Variants in LPP observed in about 807,000 individuals in gnomAD.
The protein encoded by LPP is LIM domain containing preferred translocation partner in lipoma.
A neutral mutation model predicts 60.4 loss-of-function variants in LPP; 38 were observed. The ratio of observed to expected loss-of-function variants is 0.63; its 90% CI spans 0.49 to 0.83. The LOEUF (loss-of-function observed/expected upper bound fraction) is 0.83. LPP is among the 40% of genes least tolerant of loss of function. The probability of loss-of-function intolerance (pLI) is 0.00; values close to 1 mark genes in which losing one functional copy is unlikely to be tolerated. For synonymous variants in LPP, 328 were observed against 290.8 expected, an observed-to-expected ratio of 1.13 and a Z score of -1.30; for missense variants, 902 against 783.6, an observed-to-expected ratio of 1.15 and a Z score of -1.80.
intron 9 of LPP, among the ~76,000 whole-genome samples, chr3:188,824,038 T>G (rs1754709910): frequency 6.6e-6 from 1 of 152,158 alleles, no homozygotes; most frequent in African/African-American, 2.4e-5. Context: ...TCTCATACTT[T>G]CATCTCAAAA....
At chr3:188,856,903 C>A (rs62289872) in intron 9 of LPP, among the ~76,000 whole-genome samples, 1 of 152,174 alleles carries the variant, frequency 6.6e-6, no homozygotes, top group Admixed American at 6.5e-5. Flanking sequence ...TTGACAGCGA[C>A]AAAACCCAAG....
intron 1 of LPP, among the ~76,000 whole-genome samples, chr3:188,201,639 G>A (rs988867407): frequency 1.6e-4 from 25 of 152,240 alleles, no homozygotes; most frequent in South Asian, 6.2e-4. Context: ...CCCAAGAAGT[G>A]GAAGTTGCAG....
At chr3:188,426,919 T>C (rs1789528424) in intron 4 of LPP, among the ~76,000 whole-genome samples, 1 of 152,220 alleles carries the variant, frequency 6.6e-6, no homozygotes, top group East Asian at 1.9e-4. Context: ...TGCCAGTCTG[T>C]GTCTTTTAAC....
At chr3:188,470,319 C>CACACACACACACACAA in intron 4 of LPP, among the ~76,000 whole-genome samples, 2 of 148,878 alleles carry the variant, frequency 1.3e-5, no homozygotes, top group East Asian at 4.0e-4. Context: ...CACACACACA[C>CACACACACACACACAA]GCACACATAA....
rs369514572 is a variant in LPP at position 188,874,762 on chromosome 3, T to A, written c.*283T>A. On this transcript the variant is annotated 3_prime_UTR_variant, in exon 12 of 12. Transcript: ENST00000617246. The stretch of plus-strand genomic sequence containing the variant: ...ATTCACTTCTGCATTCCTGTAACTT[T>A]TAATCCCTATGTTTGTCTCACTTTT... 3.3e-6 allele frequency: 1 copy of A among 299,602 alleles called. No homozygotes were observed. The highest frequency in any genetic ancestry group is 2.1e-5 in the African/African-American group (1 of 47,824). The allele number at this position is 299,602 out of a possible 1,614,324, so 18.6% of individuals were successfully genotyped here.
chr3:188,672,030 G>A (rs949861855), intron 7 of LPP, among the ~76,000 whole-genome samples: 5 of 152,166 alleles, frequency 3.3e-5, no homozygotes, highest in South Asian at 2.1e-4. Context: ...AAATAGAAGC[G>A]CTTGAAAATT....
chr3:188,629,135 C>G (rs910824060), intron 7 of LPP, among the ~76,000 whole-genome samples: 4 of 152,124 alleles, frequency 2.6e-5, no homozygotes, highest in African/African-American at 9.7e-5. Context: ...ATGTCAAACC[C>G]TCAGCCTGCA....
rs1052454930 is a variant in LPP, at chr3:188,884,423, G to T, written c.*9944G>T. On this transcript the variant is annotated 3_prime_UTR_variant, in exon 12 of 12. Coordinates refer to ENST00000617246, the MANE Select transcript of LPP (RefSeq NM_001375462.1). Reference sequence around the variant, plus strand: ...CAGGTGGCAAATCCACATGTGTACTGCGGTCTTTAGAGATCATTTAGAGCT... The same window carrying T: ...CAGGTGGCAAATCCACATGTGTACTTCGGTCTTTAGAGATCATTTAGAGCT... The T allele has an allele frequency of 8.7e-6, 2 of 229,752 alleles. No homozygotes were observed. Among genetic ancestry groups the T allele is most frequent in the East Asian group, 1.2e-4 (2 of 16,126 alleles). 14.2% of individuals were successfully genotyped at this position (229,752 alleles called of 1,614,324 possible).
chr3:188,154,022 G>T (rs1715232713), upstream of LPP: 1 of 154,954 alleles, frequency 6.5e-6, no homozygotes, highest in African/African-American at 2.4e-5. Flanking sequence ...GCGCTGCAAG[G>T]TAAGGGCTGG....
At chr3:188,719,005 G>A (rs565787189) in intron 8 of LPP, among the ~76,000 whole-genome samples, 2 of 152,070 alleles carry the variant, frequency 1.3e-5, no homozygotes, top group Admixed American at 6.6e-5. Flanking sequence ...TCACTTAAGG[G>A]CACAGGAAAA....
intron 5 of LPP, among the ~76,000 whole-genome samples, chr3:188,514,809 CCTT>C (rs2150071415): frequency 6.6e-6 from 1 of 152,276 alleles, no homozygotes; most frequent in South Asian, 2.1e-4. Context: ...CATCTAATCT[CCTT>C]GTCACTGTCC....
intron 6 of LPP, among the ~76,000 whole-genome samples, chr3:188,549,557 T>G (rs1827528380): frequency 6.6e-6 from 1 of 152,210 alleles, no homozygotes; most frequent in Non-Finnish European, 1.5e-5. Flanking sequence ...TACCTGTTAA[T>G]TCTGCTTTAT....
intron 7 of LPP, among the ~76,000 whole-genome samples, chr3:188,706,536 G>A (rs1274762682): frequency 1.3e-5 from 2 of 152,196 alleles, no homozygotes; most frequent in South Asian, 2.1e-4. Context: ...TAGAGAAAAG[G>A]CCAAATAGGT....
chr3:188,383,318 AG>A (rs1238114450), intron 3 of LPP, among the ~76,000 whole-genome samples: 1 of 152,190 alleles, frequency 6.6e-6, no homozygotes, highest in African/African-American at 2.4e-5. Flanking sequence ...GGTGTGTATT[AG>A]TGAGAAAATT....
At chr3:188,525,594 T>G (rs1820373827) in intron 6 of LPP, among the ~76,000 whole-genome samples, 1 of 152,236 alleles carries the variant, frequency 6.6e-6, no homozygotes, top group Non-Finnish European at 1.5e-5. Context: ...TAAGGTGATT[T>G]TCATTATTTT....
chr3:188,272,136 C>T (rs1489983294), intron 2 of LPP, among the ~76,000 whole-genome samples: 1 of 152,144 alleles, frequency 6.6e-6, no homozygotes, highest in Non-Finnish European at 1.5e-5. Flanking sequence ...AGCTGTGCCA[C>T]GAGTTTGCTC....
intron 9 of LPP, among the ~76,000 whole-genome samples, chr3:188,813,831 A>T (rs1450033969): frequency 6.6e-6 from 1 of 152,146 alleles, no homozygotes; most frequent in African/African-American, 2.4e-5. Context: ...GCACTTCGGG[A>T]TGCCAAAGTG....
chr3:188,789,162 G>A (rs911675423), intron 9 of LPP, among the ~76,000 whole-genome samples: 1 of 151,920 alleles, frequency 6.6e-6, no homozygotes, highest in African/African-American at 2.4e-5. Flanking sequence ...TAGACATAAT[G>A]CTATTGCACA....
chr3:188,647,426 A>G (rs1322085934), intron 7 of LPP, among the ~76,000 whole-genome samples: 3 of 152,202 alleles, frequency 2.0e-5, no homozygotes, highest in Non-Finnish European at 4.4e-5. Context: ...TGTAAACAGA[A>G]GACTTGATTC....
Sources: gnomAD v4.1 joint callset for allele counts (sites outside exome capture counted in the v4.1 genomes callset) on GRCh38, gnomAD v4.1.1 for gene constraint, MANE v1.5 for transcripts, NCBI Gene and HGNC (gene_info 2026-07-23, HGNC 2026-07-21) for gene names.